The following SPOCK1 variants were observed in gnomAD, a reference collection of about 807,000 sequenced individuals.
SPOCK1 encodes the protein SPARC (osteonectin), cwcv and kazal like domains proteoglycan 1, also known as testican-1.
SPOCK1 carries 23 observed loss-of-function variants against 55.3 expected under a neutral mutation model. The ratio of observed to expected loss-of-function variants is 0.42; its 90% confidence interval spans 0.30 to 0.59. The LOEUF (loss-of-function observed/expected upper bound fraction) is 0.59, where lower values mean the gene tolerates loss of function less well. Among genes scored for constraint, SPOCK1 ranks in the 20% least tolerant of loss-of-function variants. The pLI is 0.22. For missense variants in SPOCK1, 499 were observed against 552.5 expected, an observed-to-expected ratio of 0.90 and a Z score of 0.97; for synonymous variants, 226 against 221.0, an observed-to-expected ratio of 1.02 and a Z score of -0.20.
intron 4 of SPOCK1, among the ~76,000 whole-genome samples, chr5:137,125,811 G>A (rs1486297623): frequency 6.6e-6 from 1 of 152,202 alleles, no homozygotes; most frequent in Admixed American, 6.5e-5. Context: ...TTGAAACAGG[G>A]CAATGGACAG....
intron 2 of SPOCK1, among the ~76,000 whole-genome samples, chr5:137,306,987 G>C (rs1311712151): frequency 2.0e-5 from 3 of 152,160 alleles, no homozygotes; most frequent in Non-Finnish European, 4.4e-5. Flanking sequence ...AGCACACACA[G>C]AACCCTCCGG....
intron 6 of SPOCK1, among the ~76,000 whole-genome samples, chr5:137,012,410 T>G (rs76401427): frequency 0.01 from 1,549 of 152,262 alleles, 24 homozygotes; most frequent in African/African-American, 0.036. Flanking sequence ...AATTCTTCCC[T>G]TTCTTCTCCC....
intron 2 of SPOCK1, among the ~76,000 whole-genome samples, chr5:137,435,061 C>T (rs1318808711): frequency 6.6e-6 from 1 of 152,210 alleles, no homozygotes; most frequent in African/African-American, 2.4e-5. Context: ...TCTAAGCTTA[C>T]ATACTTTTAT....
intron 6 of SPOCK1, among the ~76,000 whole-genome samples, chr5:137,001,432 C>T (rs2126969010): frequency 6.6e-6 from 1 of 152,334 alleles, no homozygotes; most frequent in African/African-American, 2.4e-5. Context: ...GATGATATCT[C>T]CCAGGTCCTA....
chr5:137,026,740 C>T (rs1751683592), intron 6 of SPOCK1, among the ~76,000 whole-genome samples: 1 of 152,176 alleles, frequency 6.6e-6, no homozygotes, highest in South Asian at 2.1e-4. Context: ...ACAGTCAATC[C>T]AAAGCTGCCT....
chr5:137,244,948 A>G (rs1756367542), intron 3 of SPOCK1, among the ~76,000 whole-genome samples: 1 of 152,236 alleles, frequency 6.6e-6, no homozygotes, highest in African/African-American at 2.4e-5. Context: ...TTACTTACCA[A>G]TGTCCAGGAC....
chr5:137,242,825 ATTTG>A (rs1450544104), intron 3 of SPOCK1, among the ~76,000 whole-genome samples: 1 of 152,194 alleles, frequency 6.6e-6, no homozygotes, highest in Non-Finnish European at 1.5e-5. Context: ...AAGACATATT[ATTTG>A]CAAAAAGCAG....
At chr5:137,042,604 C>G (rs4976400) in intron 6 of SPOCK1, among the ~76,000 whole-genome samples, 131,421 of 152,048 alleles carry the variant, frequency 0.86, 57,310 homozygotes, top group South Asian at 0.94. Flanking sequence ...CATAAGCACT[C>G]TACTCTAGTT....
chr5:137,101,548 T>C (rs1690160707), intron 5 of SPOCK1, among the ~76,000 whole-genome samples: 1 of 152,232 alleles, frequency 6.6e-6, no homozygotes, highest in Non-Finnish European at 1.5e-5. Context: ...AAATGCATGT[T>C]TGCATACAGA....
intron 5 of SPOCK1, among the ~76,000 whole-genome samples, chr5:137,069,041 G>A (rs984972189): frequency 6.6e-6 from 1 of 152,192 alleles, no homozygotes; most frequent in Non-Finnish European, 1.5e-5. Context: ...AAAGAAAAGA[G>A]GAGATACAGT....
chr5:137,158,372 C>T (rs1754460865), intron 3 of SPOCK1, among the ~76,000 whole-genome samples: 1 of 152,206 alleles, frequency 6.6e-6, no homozygotes, highest in African/African-American at 2.4e-5. Context: ...GGATAACCTT[C>T]CTGTGACAAT....
At chr5:137,212,248 A>G (rs1330742831) in intron 3 of SPOCK1, among the ~76,000 whole-genome samples, 3 of 152,238 alleles carry the variant, frequency 2.0e-5, no homozygotes, top group Non-Finnish European at 2.9e-5. Flanking sequence ...ATCCTCACAT[A>G]TTGTGGTGAC....
At chr5:137,233,794 G>A (rs1252036716) in intron 3 of SPOCK1, among the ~76,000 whole-genome samples, 1 of 138,002 alleles carries the variant, frequency 7.2e-6, no homozygotes, top group African/African-American at 2.7e-5. Flanking sequence ...ATTCTAGGAG[G>A]CTGTATTTCC....
chr5:137,097,765 G>A (rs755754290), intron 5 of SPOCK1, among the ~76,000 whole-genome samples: 9 of 152,152 alleles, frequency 5.9e-5, no homozygotes, highest in Non-Finnish European at 7.3e-5. Flanking sequence ...GAATGAAAAC[G>A]GACCCAAATA....
In SPOCK1 at chr5:137,087,726, G is replaced by A. The variant is rs566956318; in HGVS notation, c.475-19897C>T. On this transcript the variant is annotated intron_variant, in intron 5 of 10. Coordinates refer to ENST00000394945, the MANE Select transcript of SPOCK1 (RefSeq NM_004598.4). ...GTGTGCAGGATACACTGAGGTAAGG[G>A]GCCCAGCCTCCGCTGGATCTTTCAG... is the stretch of plus-strand genomic sequence containing the variant. Among the ~76,000 whole-genome samples, 299 of 152,364 alleles carry A rather than the reference G, an allele frequency of 2.0e-3. 2 individuals are homozygous for A. Among genetic ancestry groups the A allele is most frequent in the Non-Finnish European group, 3.4e-3 (234 of 68,038 alleles).
intron 6 of SPOCK1, among the ~76,000 whole-genome samples, chr5:137,002,215 G>C (rs556668752): frequency 1.3e-5 from 2 of 152,158 alleles, no homozygotes; most frequent in South Asian, 2.1e-4. Context: ...AAGCAAAGAT[G>C]GATAAATTTC....
intron 2 of SPOCK1, among the ~76,000 whole-genome samples, chr5:137,409,553 C>T (rs1752168092): frequency 6.6e-6 from 1 of 152,150 alleles, no homozygotes; most frequent in African/African-American, 2.4e-5. Flanking sequence ...ATGATAGTAC[C>T]CATCTCCTAG....
intron 3 of SPOCK1, among the ~76,000 whole-genome samples, chr5:137,236,871 T>C (rs1015933235): frequency 1.3e-5 from 2 of 152,150 alleles, no homozygotes; most frequent in African/African-American, 2.4e-5. Flanking sequence ...AATGAAGAGC[T>C]CATTTCAGCA....
At chr5:136,980,619 C>A (rs1674776203) in intron 9 of SPOCK1, among the ~76,000 whole-genome samples, 1 of 152,170 alleles carries the variant, frequency 6.6e-6, no homozygotes, top group African/African-American at 2.4e-5. Flanking sequence ...CTCTTGCCTT[C>A]CGCCATGATT....
Sources: gnomAD v4.1 joint callset for allele counts (sites outside exome capture counted in the v4.1 genomes callset) on GRCh38, gnomAD v4.1.1 for gene constraint, MANE v1.5 for transcripts, NCBI Gene and HGNC (gene_info 2026-07-23, HGNC 2026-07-21) for gene names.